The following STXBP4 variants were observed in gnomAD, a reference collection of about 807,000 sequenced individuals.
STXBP4 encodes the protein syntaxin binding protein 4.
A neutral mutation model predicts 76.1 loss-of-function variants in STXBP4; 55 were observed. That is an observed-to-expected ratio of 0.72 (90% CI 0.58 to 0.91). The LOEUF (loss-of-function observed/expected upper bound fraction) is 0.91. Among genes scored for constraint, STXBP4 ranks in the 40% least tolerant of loss-of-function variants. The probability of loss-of-function intolerance (pLI) is 0.00; values close to 1 mark genes in which losing one functional copy is unlikely to be tolerated. For missense variants in STXBP4, 618 were observed against 636.9 expected (o/e 0.97, Z 0.32); for synonymous variants, 201 against 220.2 (o/e 0.91, Z 0.77).
intron 8 of STXBP4, among the ~76,000 whole-genome samples, chr17:55,023,916 CAAAAAAAAAAAAAAA>C (rs61454264): frequency 1.4e-4 from 9 of 62,242 alleles, no homozygotes; most frequent in African/African-American, 5.5e-4. Flanking sequence ...GGCCCTTTTC[CAAAAAAAAAAAAAAA>C]AAAAAAAAAG....
intron 16 of STXBP4, among the ~76,000 whole-genome samples, chr17:55,109,186 A>G (rs1342472106): frequency 1.3e-5 from 2 of 152,318 alleles, no homozygotes; most frequent in South Asian, 2.1e-4. Flanking sequence ...GTATTGCCTA[A>G]GACTATTATT....
chr17:55,163,045 A>G lies in STXBP4; in HGVS notation c.*3134A>G, dbSNP rs1319371369. 1 of 152,192 alleles carries G rather than the reference A, an allele frequency of 6.6e-6. No individual in the cohort carries two copies. The highest frequency in any genetic ancestry group is 1.5e-5 in the Non-Finnish European group (1 of 68,036). The allele number at this position is 152,192 out of a possible 1,614,324, so 9.4% of individuals were successfully genotyped here. ...ATGTCTATAGTGTGAATACATTCAT[A>G]AATTTCTTGATCAAAGCTAGGTCAA... On this transcript the variant is annotated 3_prime_UTR_variant, in exon 18 of 18. Transcript: ENST00000376352.
intron 8 of STXBP4, among the ~76,000 whole-genome samples, chr17:55,011,233 T>C (rs1241488260): frequency 4.6e-5 from 7 of 151,694 alleles, no homozygotes; most frequent in African/African-American, 1.4e-4. Context: ...ATTTGCATTA[T>C]TTTTTTTAAT....
intron 10 of STXBP4, among the ~76,000 whole-genome samples, chr17:55,036,222 G>T (rs1038115048): frequency 1.3e-5 from 2 of 151,780 alleles, no homozygotes; most frequent in Non-Finnish European, 2.9e-5. Flanking sequence ...GTCTTATCTT[G>T]TCCATATGAG....
rs529309769 is a variant in STXBP4, at chr17:55,029,601, C to CT, written c.667-1566dup. Among the ~76,000 whole-genome samples the CT allele has an allele frequency of 3.6e-3, 547 of 151,198 alleles. 3 individuals carry two copies. Among genetic ancestry groups the CT allele is most frequent in the African/African-American group, 0.013 (530 of 41,186 alleles). On this transcript the variant is annotated intron_variant, in intron 8 of 17. Coordinates refer to ENST00000376352, the MANE Select transcript of STXBP4 (RefSeq NM_178509.6). ...GTTATACAATGCAAATACTTGACTA[C>CT]TATACGAGATAAGCAGATGATGCTA... is the stretch of plus-strand genomic sequence containing the variant.
intron 12 of STXBP4, among the ~76,000 whole-genome samples, chr17:55,062,310 A>G (rs1010840653): frequency 2.0e-5 from 3 of 151,360 alleles, no homozygotes; most frequent in African/African-American, 4.9e-5. Flanking sequence ...TCATTGTTCA[A>G]CTCCCACTTT....
At chr17:55,142,319 C>T (rs2145152921) in intron 17 of STXBP4, among the ~76,000 whole-genome samples, 1 of 152,298 alleles carries the variant, frequency 6.6e-6, no homozygotes. Flanking sequence ...GCCCAGGGGA[C>T]TCCTTTGTGT....
the STXBP4 span, among the ~76,000 whole-genome samples, chr17:55,213,097 C>G: frequency 0.062 from 9,497 of 152,270 alleles, 485 homozygotes; most frequent in East Asian, 0.24. Context: ...GAAGCCACAG[C>G]AGCCTCCAGC....
intron 7 of STXBP4, among the ~76,000 whole-genome samples, chr17:55,003,754 G>A (rs555251111): frequency 6.6e-6 from 1 of 152,116 alleles, no homozygotes; most frequent in Non-Finnish European, 1.5e-5. Flanking sequence ...TAAAAATGAT[G>A]CTATTATACA....
At chr17:55,137,136 A>G (rs180798422) in intron 16 of STXBP4, among the ~76,000 whole-genome samples, 1 of 152,262 alleles carries the variant, frequency 6.6e-6, no homozygotes, top group East Asian at 1.9e-4. Flanking sequence ...TCAACTTGCA[A>G]TTGAAGAACA....
intron 3 of STXBP4, among the ~76,000 whole-genome samples, chr17:54,990,413 G>C (rs766485376): frequency 2.4e-4 from 37 of 152,166 alleles, no homozygotes; most frequent in Non-Finnish European, 1.0e-4. Flanking sequence ...CTGTGCATGT[G>C]AGGGATCTAG....
chr17:55,000,704 G>A (rs1361674269), intron 6 of STXBP4, 104 bp from the exon 7 acceptor site: 5 of 802,280 alleles, frequency 6.2e-6, no homozygotes, highest in Non-Finnish European at 1.0e-5. Context: ...CATATTTGAG[G>A]GATAATTACT....
At chr17:55,018,353 C>T (rs891535907) in intron 8 of STXBP4, among the ~76,000 whole-genome samples, 4 of 152,142 alleles carry the variant, frequency 2.6e-5, no homozygotes, top group African/African-American at 4.8e-5. Context: ...AGCGGGTCTG[C>T]GATGGCAGCA....
intron 1 of STXBP4, among the ~76,000 whole-genome samples, chr17:54,979,683 A>G (rs565356095): frequency 2.0e-5 from 3 of 152,330 alleles, no homozygotes; most frequent in South Asian, 2.1e-4. Flanking sequence ...TAGATGGCCA[A>G]TAGCTTCTGA....
At chr17:55,129,564 AAAAGAAAGAAAG>A (rs200337304) in intron 16 of STXBP4, among the ~76,000 whole-genome samples, 1 of 151,974 alleles carries the variant, frequency 6.6e-6, no homozygotes, top group African/African-American at 2.4e-5. Context: ...TTTATTTCTC[AAAAGAAAGAAAG>A]AAAGAAAGAA....
intron 12 of STXBP4, among the ~76,000 whole-genome samples, chr17:55,068,270 A>G (rs1027033323): frequency 1.3e-5 from 2 of 152,266 alleles, no homozygotes; most frequent in African/African-American, 4.8e-5. Context: ...GCTTGGTAGC[A>G]TAGGTTACAT....
chr17:55,117,098 C>T lies in STXBP4; in HGVS notation c.1490-24212C>T, dbSNP rs147454494. Among the ~76,000 whole-genome samples the T allele has an allele frequency of 1.6e-4, 24 of 151,778 alleles. No homozygotes were observed. In the East Asian group the frequency reaches 4.4e-3, roughly 28 times the overall value. ...AAATAATAATATGCTTTTGTGTGTA[C>T]GTGAATTTCTTATTTGTGTCTGATG... is the stretch of plus-strand genomic sequence containing the variant. On this transcript the variant is annotated intron_variant, in intron 16 of 17. Coordinates refer to ENST00000376352, the MANE Select transcript of STXBP4 (RefSeq NM_178509.6).
intron 7 of STXBP4, among the ~76,000 whole-genome samples, chr17:55,006,773 C>T (rs2078015441): frequency 6.6e-6 from 1 of 152,148 alleles, no homozygotes; most frequent in African/African-American, 2.4e-5. Flanking sequence ...ACTTTATGTG[C>T]AAACTTGAAA....
rs2080337512 is a variant in STXBP4 at position 55,161,570 on chromosome 17, G to A, written c.*1659G>A. ...TGAGCAAAACAAAGAAGGTGCTTGAGTCACTGAAATCAAAGTACTCAGGCA... is the reference window on the plus strand; with the variant it reads ...TGAGCAAAACAAAGAAGGTGCTTGAATCACTGAAATCAAAGTACTCAGGCA... On this transcript the variant is annotated 3_prime_UTR_variant, in exon 18 of 18. Transcript: ENST00000376352. 1 of 152,126 alleles carries A rather than the reference G, an allele frequency of 6.6e-6. No individual in the cohort carries two copies. The highest frequency in any genetic ancestry group is 2.4e-5 in the African/African-American group (1 of 41,422). The allele number at this position is 152,126 out of a possible 1,614,324, so 9.4% of individuals were successfully genotyped here. A position where few individuals can be genotyped will look rare whatever the true frequency, so the allele number is the denominator to read the frequency against.
Sources: allele counts gnomAD v4.1 joint callset (sites outside exome capture counted in the v4.1 genomes callset), GRCh38; gene constraint gnomAD v4.1.1; transcripts MANE v1.5; gene names NCBI Gene and HGNC (gene_info 2026-07-23, HGNC 2026-07-21).